Variants in PRKD1 observed in about 807,000 individuals in gnomAD.
The protein encoded by PRKD1 is protein kinase D1, also known as serine/threonine-protein kinase D1.
A neutral mutation model predicts 95.9 loss-of-function variants in PRKD1; 63 were observed. The observed-to-expected ratio is 0.66, with a 90% CI of 0.54 to 0.81. The LOEUF (loss-of-function observed/expected upper bound fraction) is 0.81, where lower values mean the gene tolerates loss of function less well. Ranked by LOEUF, PRKD1 falls within the 30% of genes least tolerant of loss-of-function variation. The pLI, the probability that PRKD1 is intolerant of heterozygous loss-of-function variation, is 0.00. For missense variants in PRKD1, 1,048 were observed against 1,165.3 expected, an observed-to-expected ratio of 0.90 and a Z score of 1.47; for synonymous variants, 425 against 423.1, an observed-to-expected ratio of 1.00 and a Z score of -0.05.
chr14:29,757,163 A>G (rs12893992), intron 1 of PRKD1, among the ~76,000 whole-genome samples: 26,423 of 152,162 alleles, frequency 0.17, 2,457 homozygotes, highest in South Asian at 0.23. Context: ...GCAGCTCTAT[A>G]CCCTGAAGGA....
At chr14:29,681,137 G>A (rs773402686) in intron 2 of PRKD1, among the ~76,000 whole-genome samples, 3 of 152,172 alleles carry the variant, frequency 2.0e-5, no homozygotes, top group Admixed American at 6.5e-5. Context: ...TGTAAGAAAC[G>A]CTTGTGTTGT....
chr14:29,804,533 G>T (rs1232115824), intron 1 of PRKD1, among the ~76,000 whole-genome samples: 1 of 150,814 alleles, frequency 6.6e-6, no homozygotes, highest in Non-Finnish European at 1.5e-5. Flanking sequence ...TTCACCAGTA[G>T]TACAAGAAGC....
At chr14:29,830,412 T>C (rs1891356206) in intron 1 of PRKD1, among the ~76,000 whole-genome samples, 1 of 152,188 alleles carries the variant, frequency 6.6e-6, no homozygotes, top group African/African-American at 2.4e-5. Context: ...TCAAATCTTC[T>C]CATTTATTTA....
At chr14:29,602,053 T>C (rs1322047091) in intron 13 of PRKD1, among the ~76,000 whole-genome samples, 1 of 152,206 alleles carries the variant, frequency 6.6e-6, no homozygotes, top group African/African-American at 2.4e-5. Flanking sequence ...TTAATATAAC[T>C]GTAAGCACTT....
chr14:29,869,594 TA>T lies in PRKD1; in HGVS notation c.264+57654del, dbSNP rs1433166622. On this transcript the variant is annotated intron_variant, in intron 1 of 17. Coordinates refer to ENST00000331968, the MANE Select transcript of PRKD1 (RefSeq NM_002742.3). ...GTACTTTTTGTAAAGCTGTTAGTTA[TA>T]AAGAATTTGACACCACAAGAGAATT... Among the ~76,000 whole-genome samples, 4 of 152,354 alleles carry T rather than the reference TA, an allele frequency of 2.6e-5. No individual in the cohort carries two copies. The East Asian group carries it at 7.7e-4, about 29-fold the overall frequency.
intron 16 of PRKD1, among the ~76,000 whole-genome samples, chr14:29,588,636 G>T (rs1037106071): frequency 2.6e-5 from 4 of 152,124 alleles, no homozygotes; most frequent in Non-Finnish European, 4.4e-5. Flanking sequence ...GACCATGGAG[G>T]TTGCCAGGGC....
chr14:29,856,418 A>G (rs191834672), intron 1 of PRKD1, among the ~76,000 whole-genome samples: 1 of 152,348 alleles, frequency 6.6e-6, no homozygotes, highest in East Asian at 1.9e-4. Context: ...CCCCAAGCAG[A>G]ACAAAAAAGA....
intron 1 of PRKD1, among the ~76,000 whole-genome samples, chr14:29,762,080 A>T (rs2139490637): frequency 6.6e-6 from 1 of 152,230 alleles, no homozygotes; most frequent in African/African-American, 2.4e-5. Flanking sequence ...CTGGCTCTTA[A>T]CAGTGGGGCT....
rs998974047 is a variant in PRKD1, at chr14:29,778,961, T to C, written c.265-53287A>G. 4.6e-5 allele frequency among the ~76,000 whole-genome samples: 7 copies of C among 152,286 alleles called. No homozygotes were observed. In the East Asian group the frequency reaches 1.3e-3, roughly 29 times the overall value. ...ACCATGATCAAGTGAGATTCATCCC[T>C]GGGAAGCAAGGCTGGCTCAACATAT... On this transcript the variant is annotated intron_variant, in intron 1 of 17. Coordinates refer to ENST00000331968, the MANE Select transcript of PRKD1 (RefSeq NM_002742.3).
At chr14:29,688,475 C>G (rs932120823) in intron 2 of PRKD1, among the ~76,000 whole-genome samples, 1 of 152,006 alleles carries the variant, frequency 6.6e-6, no homozygotes, top group African/African-American at 2.4e-5. Flanking sequence ...GAAATGAGAA[C>G]AATTAAATCC....
chr14:29,899,570 C>A (rs1894249484), intron 1 of PRKD1, among the ~76,000 whole-genome samples: 1 of 152,092 alleles, frequency 6.6e-6, no homozygotes, highest in Non-Finnish European at 1.5e-5. Flanking sequence ...TTGCTTGAAC[C>A]CAGGAGGTGG....
chr14:29,811,474 C>T (rs1890481809), intron 1 of PRKD1, among the ~76,000 whole-genome samples: 1 of 152,220 alleles, frequency 6.6e-6, no homozygotes, highest in African/African-American at 2.4e-5. Flanking sequence ...ACAGTCCCTA[C>T]ATAAGGATGC....
At chr14:29,640,408 C>A (rs1227275702) in intron 4 of PRKD1, among the ~76,000 whole-genome samples, 1 of 152,164 alleles carries the variant, frequency 6.6e-6, no homozygotes, top group Non-Finnish European at 1.5e-5. Context: ...TTTCCAGATT[C>A]ACTAGCTACA....
chr14:29,676,183 GTTTTTTTT>G (rs34953735), intron 2 of PRKD1, among the ~76,000 whole-genome samples: 1 of 67,450 alleles, frequency 1.5e-5, no homozygotes, highest in African/African-American at 7.2e-5. Context: ...TTACGTTTTT[GTTTTTTTT>G]TTTTTTTTTT....
chr14:29,849,042 CTT>C (rs1892193223), intron 1 of PRKD1, among the ~76,000 whole-genome samples: 1 of 152,186 alleles, frequency 6.6e-6, no homozygotes, highest in Admixed American at 6.5e-5. Flanking sequence ...ATGAACACCT[CTT>C]GATATGGTTT....
intron 1 of PRKD1, among the ~76,000 whole-genome samples, chr14:29,750,406 A>G (rs933651230): frequency 1.3e-5 from 2 of 152,186 alleles, no homozygotes; most frequent in African/African-American, 4.8e-5. Flanking sequence ...TTCTAAGTAA[A>G]GATAAAAACA....
chr14:29,587,428 G>C (rs1257368490), intron 16 of PRKD1, among the ~76,000 whole-genome samples: 1 of 152,100 alleles, frequency 6.6e-6, no homozygotes, highest in Non-Finnish European at 1.5e-5. Flanking sequence ...CATAACTCAG[G>C]TGTTATATAT....
intron 1 of PRKD1, among the ~76,000 whole-genome samples, chr14:29,776,044 T>C (rs1594507295): frequency 6.6e-6 from 1 of 151,966 alleles, no homozygotes; most frequent in Non-Finnish European, 1.5e-5. Flanking sequence ...GGGTCTGGAG[T>C]GGACCTCCAG....
At chr14:29,900,542 AACAG>A (rs1180495870) in intron 1 of PRKD1, among the ~76,000 whole-genome samples, 8 of 152,368 alleles carry the variant, frequency 5.3e-5, no homozygotes, top group Non-Finnish European at 1.0e-4. Flanking sequence ...CAACAGAGTA[AACAG>A]ACAGCCTACA....
Sources: allele counts gnomAD v4.1 joint callset (sites outside exome capture counted in the v4.1 genomes callset), GRCh38; gene constraint gnomAD v4.1.1; transcripts MANE v1.5; gene names NCBI Gene and HGNC (gene_info 2026-07-23, HGNC 2026-07-21).